Variants in ADAM18 observed in about 807,000 individuals in gnomAD.
ADAM18 encodes ADAM metallopeptidase domain 18, also known as disintegrin and metalloproteinase domain-containing protein 18.
A neutral mutation model predicts 94.4 loss-of-function variants in ADAM18; 117 were observed. The ratio of observed to expected loss-of-function variants is 1.24; its 90% confidence interval spans 1.07 to 1.45. The LOEUF (loss-of-function observed/expected upper bound fraction) is 1.45. Ranked by LOEUF, ADAM18 falls within the 40% of genes most tolerant of loss-of-function variation. The pLI is 0.00. For synonymous variants in ADAM18, 327 were observed against 291.6 expected, an observed-to-expected ratio of 1.12 and a Z score of -1.24; for missense variants, 936 against 880.0, an observed-to-expected ratio of 1.06 and a Z score of -0.81.
intron 7 of ADAM18, among the ~76,000 whole-genome samples, chr8:39,634,396 C>A (rs1228696773): frequency 2.0e-5 from 3 of 152,116 alleles, no homozygotes; most frequent in Non-Finnish European, 4.4e-5. Context: ...TATAGAGCCA[C>A]CAGGAAGGAA....
At chr8:39,631,087 C>T (rs1819918985) in intron 7 of ADAM18, among the ~76,000 whole-genome samples, 6 of 151,692 alleles carry the variant, frequency 4.0e-5, no homozygotes, top group Admixed American at 3.9e-4. Flanking sequence ...GTGGGGATTC[C>T]TTATATATTC....
At chr8:39,609,373 T>C in intron 4 of ADAM18, 112 bp from the exon 5 acceptor site, 1 of 746,870 alleles carries the variant, frequency 1.3e-6, no homozygotes, top group Non-Finnish European at 2.2e-6. Context: ...GCATTAATAA[T>C]TAATGATCTT....
In ADAM18 at chr8:39,724,700, G is replaced by A. The variant is rs1306425729; in HGVS notation, c.2177+793G>A. 4.6e-5 allele frequency among the ~76,000 whole-genome samples: 7 copies of A among 151,782 alleles called. No homozygotes were observed. In the South Asian group the frequency reaches 1.0e-3, roughly 22 times the overall value. On this transcript the variant is annotated intron_variant, in intron 19 of 19. Coordinates refer to ENST00000265707, the MANE Select transcript of ADAM18 (RefSeq NM_014237.3). ...TTTTCTGATACAGGCATTTAAATCCGTAAATTTTCCCTTAGGCTTAGCTGC... is the reference window on the plus strand; with the variant it reads ...TTTTCTGATACAGGCATTTAAATCCATAAATTTTCCCTTAGGCTTAGCTGC...
At chr8:39,605,404 T>C (rs1181491632) in intron 2 of ADAM18, among the ~76,000 whole-genome samples, 1 of 152,160 alleles carries the variant, frequency 6.6e-6, no homozygotes, top group African/African-American at 2.4e-5. Flanking sequence ...TCCCTGGAGG[T>C]ATAGTCTTCC....
intron 7 of ADAM18, among the ~76,000 whole-genome samples, chr8:39,633,448 G>A (rs984215956): frequency 6.6e-6 from 1 of 152,146 alleles, no homozygotes; most frequent in African/African-American, 2.4e-5. Context: ...GTTATGAACA[G>A]TTTTTAGAAA....
At chr8:39,726,257 TACAC>T (rs34664356) in intron 19 of ADAM18, among the ~76,000 whole-genome samples, 3 of 145,476 alleles carry the variant, frequency 2.1e-5, no homozygotes, top group Non-Finnish European at 3.0e-5. Context: ...GTATGAGATC[TACAC>T]ACACACACAC....
chr8:39,713,615 C>T (rs1586008586), intron 18 of ADAM18, among the ~76,000 whole-genome samples: 1 of 152,058 alleles, frequency 6.6e-6, no homozygotes, highest in African/African-American at 2.4e-5. Flanking sequence ...ACAACCCCAT[C>T]AAAAAGTGGG....
intron 13 of ADAM18, among the ~76,000 whole-genome samples, chr8:39,667,108 G>T (rs1160436989): frequency 2.0e-5 from 3 of 152,060 alleles, no homozygotes; most frequent in Non-Finnish European, 4.4e-5. Flanking sequence ...GAGGCCAGGT[G>T]TGGTGGCTCA....
intron 6 of ADAM18, among the ~76,000 whole-genome samples, chr8:39,629,128 T>G (rs980516702): frequency 1.3e-5 from 2 of 151,944 alleles, no homozygotes; most frequent in Non-Finnish European, 2.9e-5. Flanking sequence ...TTTATGTTTA[T>G]GTTTTTTTTT....
intron 6 of ADAM18, among the ~76,000 whole-genome samples, chr8:39,622,589 A>G (rs892157127): frequency 4.6e-5 from 7 of 151,912 alleles, no homozygotes; most frequent in African/African-American, 1.7e-4. Context: ...GTGCTGTTAT[A>G]TTTGTTTAGA....
At chr8:39,668,817 A>G (rs944557669) in intron 14 of ADAM18, among the ~76,000 whole-genome samples, 3 of 152,256 alleles carry the variant, frequency 2.0e-5, no homozygotes, top group Non-Finnish European at 4.4e-5. Flanking sequence ...AAATGCATAT[A>G]TATATAATTA....
intron 3 of ADAM18, among the ~76,000 whole-genome samples, chr8:39,608,177 A>ATATATC (rs139512253): frequency 0.041 from 6,305 of 151,994 alleles, 294 homozygotes; most frequent in East Asian, 0.25. Context: ...TGTATTCAAA[A>ATATATC]TATATCTATA....
chr8:39,609,953 T>A (rs1056462360), intron 5 of ADAM18, among the ~76,000 whole-genome samples: 5 of 152,060 alleles, frequency 3.3e-5, no homozygotes, highest in Admixed American at 2.0e-4. Context: ...AGAAGATCCC[T>A]CAGGAATAAA....
intron 6 of ADAM18, among the ~76,000 whole-genome samples, chr8:39,626,598 T>G (rs932878548): frequency 1.3e-5 from 2 of 152,056 alleles, no homozygotes; most frequent in African/African-American, 4.8e-5. Flanking sequence ...TTTGATAATT[T>G]GTATTACTAT....
intron 18 of ADAM18, among the ~76,000 whole-genome samples, chr8:39,708,308 T>C (rs1441834815): frequency 6.6e-6 from 1 of 152,218 alleles, no homozygotes; most frequent in African/African-American, 2.4e-5. Flanking sequence ...TCAAATAAGT[T>C]AGAACACAGT....
intron 15 of ADAM18, among the ~76,000 whole-genome samples, chr8:39,677,743 A>C (rs959187827): frequency 6.6e-6 from 1 of 152,176 alleles, no homozygotes; most frequent in African/African-American, 2.4e-5. Flanking sequence ...AAAAAGGCTA[A>C]TACTTAGTAA....
chr8:39,614,362 C>T (rs1355951369), intron 6 of ADAM18, among the ~76,000 whole-genome samples: 1 of 152,136 alleles, frequency 6.6e-6, no homozygotes, highest in East Asian at 1.9e-4. Flanking sequence ...ATTAAATATC[C>T]ATCCAAACTA....
chr8:39,632,028 T>C (rs1819944055), intron 7 of ADAM18, among the ~76,000 whole-genome samples: 1 of 152,020 alleles, frequency 6.6e-6, no homozygotes, highest in Non-Finnish European at 1.5e-5. Context: ...TTGCATAATT[T>C]ACTTGTTAAT....
Position 39,653,935 on chromosome 8 carries a change from T to G in ADAM18, c.1230+5408T>G, listed in dbSNP as rs148283426. Among the ~76,000 whole-genome samples the G allele has an allele frequency of 6.0e-3, 914 of 152,286 alleles. 5 individuals carry two copies. The highest frequency in any genetic ancestry group is 0.021 in the African/African-American group (868 of 41,568). ...ACTAGAACTTATGTTTTCTATTTAA[T>G]TGTATTTCTGTACCCATTAACCAAC... On this transcript the variant is annotated intron_variant, in intron 12 of 19. Coordinates refer to ENST00000265707, the MANE Select transcript of ADAM18 (RefSeq NM_014237.3).
Sources: gnomAD v4.1 joint callset for allele counts (sites outside exome capture counted in the v4.1 genomes callset) on GRCh38, gnomAD v4.1.1 for gene constraint, MANE v1.5 for transcripts, NCBI Gene and HGNC (gene_info 2026-07-23, HGNC 2026-07-21) for gene names.